The following SYNE2 variants were observed in gnomAD, a reference collection of about 807,000 sequenced individuals.
SYNE2 encodes nesprin-2.
A neutral mutation model predicts 856.3 loss-of-function variants in SYNE2; 431 were observed. The ratio of observed to expected loss-of-function variants is 0.50; its 90% CI spans 0.47 to 0.55. The LOEUF (loss-of-function observed/expected upper bound fraction) is 0.55, where lower values mean the gene tolerates loss of function less well. Among genes scored for constraint, SYNE2 ranks in the 20% least tolerant of loss-of-function variants. The pLI is 0.00. For missense variants in SYNE2, 8,129 were observed against 8,023.2 expected, an observed-to-expected ratio of 1.01 and a Z score of -0.50; for synonymous variants, 2,923 against 2,872.3, an observed-to-expected ratio of 1.02 and a Z score of -0.56.
chr14:63,906,991 G>T (rs975581814), intron 1 of SYNE2, among the ~76,000 whole-genome samples: 2 of 152,082 alleles, frequency 1.3e-5, no homozygotes, highest in Non-Finnish European at 2.9e-5. Context: ...CCATTAATGA[G>T]GATCACCTCC....
intron 98 of SYNE2, 167 bp downstream of exon 98, chr14:64,188,875 G>C (rs562864065): frequency 3.4e-5 from 26 of 764,622 alleles, no homozygotes; most frequent in African/African-American, 2.7e-4. Context: ...AGTTGGAAGA[G>C]AGGAGGTTCC....
At chr14:63,773,490 T>A (rs1212812028) in intron 1 of SYNE2, among the ~76,000 whole-genome samples, 1 of 152,148 alleles carries the variant, frequency 6.6e-6, no homozygotes, top group Non-Finnish European at 1.5e-5. Context: ...TGTGAGCCAC[T>A]GCTCCTGGCT....
rs768108422 is a variant in SYNE2, at chr14:64,112,743, A to G, written c.12610-598A>G. ...AGGAAAAAAGTTTCCAGGTTACCCC[A>G]CTGAAGTTCATTACTTGACTCAAGC... is the stretch of plus-strand genomic sequence containing the variant. On this transcript the variant is annotated intron_variant, in intron 65 of 115. Transcript: ENST00000555002. 5.5e-4 allele frequency among the ~76,000 whole-genome samples: 83 copies of G among 152,240 alleles called. 1 individual carries two copies. Among genetic ancestry groups the G allele is most frequent in the Middle Eastern group, 3.2e-3 (1 of 316 alleles).
chr14:64,052,243 C>G lies in SYNE2; in HGVS notation c.8330C>G (p.Ala2777Gly), dbSNP rs2097232935. Residue 2777 changes from alanine to glycine, a missense_variant, in exon 48 of 116, where the codon GCT (alanine) becomes GGT (glycine). Physicochemically the swap from Ala to Gly is moderately conservative, Grantham distance 60. Coordinates refer to ENST00000555002, the MANE Select transcript of SYNE2 (RefSeq NM_182914.3). ...KCKVTHDGILARQQSVESLAE... is the reference protein window; with the variant it reads ...KCKVTHDGILGRQQSVESLAE... ...AAAGTGACACATGATGGCATTCTAG[C>G]TAGGCAGCAGTCTGTGGAATCGTTG... 1 of 1,614,050 alleles carries G rather than the reference C, an allele frequency of 6.2e-7. No individual in the cohort carries two copies. The highest frequency in any genetic ancestry group is 1.3e-5 in the African/African-American group (1 of 74,922).
intron 76 of SYNE2, among the ~76,000 whole-genome samples, chr14:64,131,560 T>TTTTG (rs1327916872): frequency 6.6e-6 from 1 of 152,144 alleles, no homozygotes; most frequent in South Asian, 2.1e-4. Flanking sequence ...GACATCTGTT[T>TTTTG]TTTGTTTGTT....
intron 1 of SYNE2, among the ~76,000 whole-genome samples, chr14:63,791,000 C>G (rs1477163865): frequency 1.3e-5 from 2 of 152,014 alleles, no homozygotes; most frequent in African/African-American, 4.8e-5. Flanking sequence ...CGCTGTCGCC[C>G]AGGCTGGAGT....
rs944969295 is a variant in SYNE2 at position 64,027,558 on chromosome 14, A to C, written c.6479A>C (p.Glu2160Ala). The stretch of plus-strand genomic sequence containing the variant: ...GAGGATCTGAGATTAATGCTCATAG[A>C]ACTAAAGAAGAAACAGGAAGCAGGC... ...SKEDLRLMLI[E>A]LKKKQEAGFA... Residue 2160 changes from glutamate to alanine, a missense_variant, in exon 43 of 116, where the codon GAA (glutamate) becomes GCA (alanine). Glu to Ala is a moderately radical substitution (Grantham distance 107). Coordinates refer to ENST00000555002, the MANE Select transcript of SYNE2 (RefSeq NM_182914.3). 5 of 1,611,678 alleles carry C rather than the reference A, an allele frequency of 3.1e-6. No individual in the cohort carries two copies. Among genetic ancestry groups the C allele is most frequent in the Non-Finnish European group, 4.2e-6 (5 of 1,178,204 alleles).
chr14:64,023,155 G>A (rs545522555), intron 38 of SYNE2: 2 of 362,100 alleles, frequency 5.5e-6, no homozygotes, highest in African/African-American at 4.2e-5. Context: ...TGAGAGGATC[G>A]CTTGAGCCTG....
At position 63,771,896 on chromosome 14, in the gene SYNE2, C is replaced by CAAAAAAAAAAAAAAA. The variant is rs59481661; in HGVS notation, c.-305+9915_-305+9916insAAAAAAAAAAAAAAA. On this transcript the variant is annotated intron_variant, in intron 1 of 23. Coordinates refer to the SYNE2 transcript ENST00000674003. The stretch of plus-strand genomic sequence containing the variant: ...TGGGCGATAGAGTGAGACTCTGTCT[C>CAAAAAAAAAAAAAAA]AAAAAGCAAAAACAAAAACAAAAAC... 1.6e-3 allele frequency among the ~76,000 whole-genome samples: 240 copies of CAAAAAAAAAAAAAAA among 148,084 alleles called. 2 individuals are homozygous for CAAAAAAAAAAAAAAA. The highest frequency in any genetic ancestry group is 5.6e-3 in the African/African-American group (210 of 37,734).
chr14:64,126,768 G>C lies in SYNE2; in HGVS notation c.13878G>C (p.Lys4626Asn), dbSNP rs1274893714. 1.9e-6 allele frequency: 3 copies of C among 1,613,684 alleles called. No homozygotes were observed. The highest frequency in any genetic ancestry group is 2.5e-6 in the Non-Finnish European group (3 of 1,180,044). ...HTQAAAVCRS[K>N]SLKAGLDYNR... ...AGGCTGCAGCTGTCTGTAGAAGCAA[G>C]TCCCTGAAAGCTGGCCTCGATTACA... Residue 4626 changes from lysine to asparagine, a missense_variant, in exon 73 of 116, where the codon AAG becomes AAC. By Grantham distance (94) the Lys-to-Asn change is moderately conservative. This residue lies in a region of SYNE2 where 5,410 missense variants were observed against 5,284.8 expected (regional missense o/e 1.02). Transcript: ENST00000555002.
At chr14:63,785,000 C>T (rs533079611) in intron 1 of SYNE2, among the ~76,000 whole-genome samples, 2 of 152,038 alleles carry the variant, frequency 1.3e-5, no homozygotes, top group African/African-American at 2.4e-5. Context: ...AAAACACAAG[C>T]TCTTTGTGTT....
intron 1 of SYNE2, among the ~76,000 whole-genome samples, chr14:63,814,818 A>C (rs1343028135): frequency 1.6e-4 from 21 of 133,700 alleles, no homozygotes; most frequent in African/African-American, 5.4e-4. Context: ...CCATATATAT[A>C]TCCATATATA....
Position 64,146,198 on chromosome 14 carries a change from T to A in SYNE2, c.15614T>A (p.Val5205Glu). 6.2e-7 allele frequency: 1 copy of A among 1,612,362 alleles called. No homozygotes were observed. Among genetic ancestry groups the A allele is most frequent in the South Asian group, 1.1e-5 (1 of 90,676 alleles). The change falls in exon 84 of 116, where the codon GTG (valine) becomes GAG (glutamate). Residue 5205 changes from valine to glutamate, a missense_variant. Transcript: ENST00000555002. The part of the protein sequence containing the change: ...TLQKPESVIS[V>E]QKLLLDCQDI... ...CAAAAACCTGAAAGTGTGATCTCAG[T>A]GCAGAAGCTGCTCCTGGACTGTCAG...
chr14:64,197,441 G>C (rs1043102956), intron 99 of SYNE2, among the ~76,000 whole-genome samples: 1 of 152,168 alleles, frequency 6.6e-6, no homozygotes, highest in Admixed American at 6.5e-5. Flanking sequence ...CAGGATCTTG[G>C]AGTAATGCAT....
chr14:63,948,156 G>GACACACACACACACACACAC (rs151256085), intron 6 of SYNE2, among the ~76,000 whole-genome samples: 6 of 124,414 alleles, frequency 4.8e-5, no homozygotes, highest in African/African-American at 1.7e-4. Flanking sequence ...TACACACACA[G>GACACACACACACACACACAC]ACACACACAT....
chr14:63,938,034 A>G (rs957920564), intron 2 of SYNE2, among the ~76,000 whole-genome samples: 5 of 150,468 alleles, frequency 3.3e-5, no homozygotes, highest in Non-Finnish European at 7.4e-5. Context: ...TAGTAATGAC[A>G]AAGTCTGGAG....
chr14:64,057,461 T>C (rs1041332387), intron 49 of SYNE2, among the ~76,000 whole-genome samples: 3 of 152,210 alleles, frequency 2.0e-5, no homozygotes, highest in Non-Finnish European at 4.4e-5. Flanking sequence ...TTTCATTTTT[T>C]TTTAATGGCT....
chr14:63,819,993 CATTGAT>C (rs2139860581), intron 1 of SYNE2, among the ~76,000 whole-genome samples: 1 of 151,682 alleles, frequency 6.6e-6, no homozygotes, highest in South Asian at 2.1e-4. Flanking sequence ...TGCTACAAAA[CATTGAT>C]AGAAGGAATT....
chr14:64,195,594 T>G (rs1382836763), intron 99 of SYNE2, among the ~76,000 whole-genome samples: 2 of 152,240 alleles, frequency 1.3e-5, no homozygotes, highest in African/African-American at 4.8e-5. Context: ...GCTCACCTAC[T>G]TTATAGTAGT....
Sources: allele counts gnomAD v4.1 joint callset (sites outside exome capture counted in the v4.1 genomes callset), GRCh38; gene constraint gnomAD v4.1.1; regional missense constraint gnomAD v4.1.1; transcripts MANE v1.5; gene names NCBI Gene and HGNC (gene_info 2026-07-23, HGNC 2026-07-21).